Variants in MAPK10 observed in about 807,000 individuals in gnomAD.
MAPK10 encodes the protein mitogen-activated protein kinase 10, also known as JNK3 alpha protein kinase.
MAPK10 carries 25 observed loss-of-function variants against 59.3 expected under a neutral mutation model. That is an observed-to-expected ratio of 0.42 (90% CI 0.31 to 0.59). The LOEUF (loss-of-function observed/expected upper bound fraction) is 0.59, where lower values mean the gene tolerates loss of function less well. MAPK10 is among the 20% of genes least tolerant of loss of function. The pLI, the probability that MAPK10 is intolerant of heterozygous loss-of-function variation, is 0.15. For missense variants in MAPK10, 351 were observed against 568.9 expected, an observed-to-expected ratio of 0.62 and a Z score of 3.90; for synonymous variants, 190 against 200.5, an observed-to-expected ratio of 0.95 and a Z score of 0.44.
At chr4:86,584,519 C>T (rs1578184325) in intron 1 of MAPK10, among the ~76,000 whole-genome samples, 2 of 152,268 alleles carry the variant, frequency 1.3e-5, no homozygotes, top group South Asian at 4.1e-4. Context: ...TCACAGATCA[C>T]AGAAGCCTCC....
intron 2 of MAPK10, among the ~76,000 whole-genome samples, chr4:86,267,308 G>A (rs955780953): frequency 1.1e-4 from 16 of 152,116 alleles, no homozygotes; most frequent in African/African-American, 3.4e-4. Context: ...CAAAAGCCAC[G>A]TAAATGTAAT....
chr4:86,171,179 G>A (rs1182628995), intron 3 of MAPK10: 2 of 151,370 alleles, frequency 1.3e-5, no homozygotes, highest in Non-Finnish European at 3.0e-5. Context: ...AAAAGCAAGA[G>A]CAAACACATT....
At chr4:86,317,821 A>G (rs1402646351) in intron 2 of MAPK10, among the ~76,000 whole-genome samples, 1 of 152,206 alleles carries the variant, frequency 6.6e-6, no homozygotes, top group Non-Finnish European at 1.5e-5. Context: ...GTGTGAAACA[A>G]TGAACATTTA....
At chr4:86,497,083 G>A (rs759812838) in intron 1 of MAPK10, among the ~76,000 whole-genome samples, 1 of 151,878 alleles carries the variant, frequency 6.6e-6, no homozygotes, top group Admixed American at 6.6e-5. Flanking sequence ...TATTTTTCCT[G>A]CTTTATAAGA....
chr4:86,219,177 CAG>C (rs144539913), intron 2 of MAPK10, among the ~76,000 whole-genome samples: 12,880 of 149,984 alleles, frequency 0.086, 1,199 homozygotes, highest in African/African-American at 0.23. Flanking sequence ...TTGAGAGAGA[CAG>C]AGAGAGAGAG....
At chr4:86,103,105 GT>G (rs2055828870) in intron 6 of MAPK10, 80 bp downstream of exon 6, 2 of 793,960 alleles carry the variant, frequency 2.5e-6, no homozygotes, top group Admixed American at 3.5e-5. Context: ...GTGTGTGTGT[GT>G]GTGTGTGTGT....
intron 1 of MAPK10, among the ~76,000 whole-genome samples, chr4:86,494,716 GC>G (rs1432672711): frequency 2.0e-5 from 3 of 151,556 alleles, no homozygotes; most frequent in African/African-American, 4.8e-5. Context: ...GGTGGCGGGT[GC>G]CTGCAGTCCC....
At chr4:86,500,419 TAC>T (rs756922903) in intron 1 of MAPK10, among the ~76,000 whole-genome samples, 30 of 152,184 alleles carry the variant, frequency 2.0e-4, no homozygotes, top group Non-Finnish European at 3.4e-4. Context: ...TACTGTGTGG[TAC>T]ACACTCTTCT....
intron 9 of MAPK10, 119 bp from the exon 10 acceptor site, chr4:86,068,074 C>A (rs1348476950): frequency 1.1e-5 from 6 of 542,620 alleles, no homozygotes; most frequent in African/African-American, 9.4e-5. Flanking sequence ...TTTTAATAAG[C>A]AACAAAGAAT....
At position 86,377,556 on chromosome 4, in the gene MAPK10, A is replaced by G. The variant is rs13136303; in HGVS notation, c.-121-22912T>C. Among the ~76,000 whole-genome samples the G allele has an allele frequency of 1.9e-3, 297 of 152,334 alleles. 1 individual carries two copies. The highest frequency in any genetic ancestry group is 3.4e-3 in the Non-Finnish European group (229 of 68,018). ...GTTTCATGAGAGCAGGGACCTTTCT[A>G]TTTATGTCTATATCCACCATACCCA... On this transcript the variant is annotated intron_variant, in intron 1 of 13. Coordinates refer to the MAPK10 transcript ENST00000361569.
At chr4:86,404,191 A>T (rs891417469) in intron 1 of MAPK10, among the ~76,000 whole-genome samples, 1 of 152,124 alleles carries the variant, frequency 6.6e-6, no homozygotes, top group Non-Finnish European at 1.5e-5. Context: ...GAGCCTAAAC[A>T]ATATTCTTTT....
intron 1 of MAPK10, among the ~76,000 whole-genome samples, chr4:86,498,278 C>T (rs544501592): frequency 6.6e-5 from 10 of 152,364 alleles, no homozygotes; most frequent in African/African-American, 2.2e-4. Context: ...ATGGCTATTT[C>T]TGGTGCAGTC....
At chr4:86,305,813 C>T (rs2095556998) in intron 2 of MAPK10, among the ~76,000 whole-genome samples, 1 of 139,190 alleles carries the variant, frequency 7.2e-6, no homozygotes, top group South Asian at 2.3e-4. Flanking sequence ...GAGGGAGACT[C>T]CATCTCCAAA....
intron 4 of MAPK10, among the ~76,000 whole-genome samples, chr4:86,113,304 T>C (rs928610825): frequency 6.6e-6 from 1 of 152,222 alleles, no homozygotes; most frequent in Admixed American, 6.5e-5. Flanking sequence ...AGTTGCTTCA[T>C]AGTGTCATTG....
At chr4:86,321,878 A>G (rs1179729837) in intron 2 of MAPK10, 1 of 151,592 alleles carries the variant, frequency 6.6e-6, no homozygotes, top group Non-Finnish European at 1.5e-5. Flanking sequence ...TTTTTTTTAA[A>G]CAGAGACAGG....
chr4:86,536,022 A>C (rs1758219529), intron 1 of MAPK10, among the ~76,000 whole-genome samples: 1 of 152,226 alleles, frequency 6.6e-6, no homozygotes. Flanking sequence ...AATAAGGAAG[A>C]AATATAATAG....
At chr4:86,190,971 C>T (rs989083468) in intron 3 of MAPK10, among the ~76,000 whole-genome samples, 10 of 152,250 alleles carry the variant, frequency 6.6e-5, no homozygotes, top group Middle Eastern at 6.8e-3. Flanking sequence ...TTTCAAATAA[C>T]TGATTTATTT....
chr4:86,537,286 T>C (rs1163452437), intron 1 of MAPK10, among the ~76,000 whole-genome samples: 1 of 152,212 alleles, frequency 6.6e-6, no homozygotes, highest in Non-Finnish European at 1.5e-5. Context: ...TTTGTGGTGA[T>C]AGATGGCAAC....
chr4:86,440,984 A>G (rs970909962), intron 1 of MAPK10, among the ~76,000 whole-genome samples: 10 of 152,224 alleles, frequency 6.6e-5, no homozygotes, highest in Non-Finnish European at 1.2e-4. Flanking sequence ...ACAGAGAAAT[A>G]AAAGCATCAT....
Sources: gnomAD v4.1 joint callset for allele counts (sites outside exome capture counted in the v4.1 genomes callset) on GRCh38, gnomAD v4.1.1 for gene constraint, MANE v1.5 for transcripts, NCBI Gene and HGNC (gene_info 2026-07-23, HGNC 2026-07-21) for gene names.